CENPP: variants seen among roughly 807,000 people sequenced by gnomAD.
CENPP encodes the protein centromere protein P.
In CENPP, 24 loss-of-function variants were observed where a neutral mutation model predicts 35.6. The ratio of observed to expected loss-of-function variants is 0.67; its 90% CI spans 0.49 to 0.95. The LOEUF (loss-of-function observed/expected upper bound fraction) is 0.95, where lower values mean the gene tolerates loss of function less well. Ranked by LOEUF, CENPP falls within the 40% of genes least tolerant of loss-of-function variation. CENPP has a pLI of 0.00. For missense variants in CENPP, 332 were observed against 345.3 expected (o/e 0.96, Z 0.31); for synonymous variants, 120 against 125.5 (o/e 0.96, Z 0.29).
chr9:92,576,943 G>GT (rs1231717330), intron 5 of CENPP, among the ~76,000 whole-genome samples: 3 of 152,148 alleles, frequency 2.0e-5, no homozygotes, highest in African/African-American at 7.2e-5. Context: ...GTAAACAAAT[G>GT]TAAGTGTTAA....
intron 4 of CENPP, among the ~76,000 whole-genome samples, chr9:92,370,031 T>C (rs952486941): frequency 6.6e-6 from 1 of 152,200 alleles, no homozygotes; most frequent in African/African-American, 2.4e-5. Context: ...CCTGGGAGGA[T>C]GTTGAATTTT....
chr9:92,448,972 A>C (rs751445783), intron 5 of CENPP, among the ~76,000 whole-genome samples: 13 of 152,206 alleles, frequency 8.5e-5, no homozygotes, highest in Non-Finnish European at 1.9e-4. Flanking sequence ...GGTTAGTCAG[A>C]TCTTTTTTAC....
Position 92,486,721 on chromosome 9 carries a change from G to A in CENPP, c.564+106862G>A, listed in dbSNP as rs374262995. ...TAAATTGTCACTAAATGTTCATTCCGTTGAATTTATGAAAAATGAAGGACT... is the reference window on the plus strand; with the variant it reads ...TAAATTGTCACTAAATGTTCATTCCATTGAATTTATGAAAAATGAAGGACT... On this transcript the variant is annotated intron_variant, in intron 5 of 7. Transcript: ENST00000375587. Among the ~76,000 whole-genome samples the A allele has an allele frequency of 3.3e-4, 50 of 151,552 alleles. 1 individual carries two copies. In the South Asian group the frequency reaches 5.8e-3, roughly 18 times the overall value.
chr9:92,343,962 CAAAA>C (rs35920973), intron 3 of CENPP, among the ~76,000 whole-genome samples: 1 of 60,982 alleles, frequency 1.6e-5, no homozygotes, highest in African/African-American at 6.6e-5. Context: ...AACCCTGTCT[CAAAA>C]AAAAAAAAAA....
At chr9:92,534,852 C>A (rs1222028566) in intron 5 of CENPP, among the ~76,000 whole-genome samples, 2 of 152,162 alleles carry the variant, frequency 1.3e-5, no homozygotes, top group Non-Finnish European at 2.9e-5. Flanking sequence ...AATTTTCTTG[C>A]ATTAACAATT....
chr9:92,567,379 T>TATATATATATATATATATAG, intron 5 of CENPP, among the ~76,000 whole-genome samples: 1 of 90,442 alleles, frequency 1.1e-5, no homozygotes, highest in South Asian at 2.9e-4. Context: ...GATAGATATA[T>TATATATATATATATATATAG]ATATATATAT....
At chr9:92,484,145 T>A (rs942686601) in intron 5 of CENPP, among the ~76,000 whole-genome samples, 3 of 152,272 alleles carry the variant, frequency 2.0e-5, no homozygotes, top group African/African-American at 7.2e-5. Flanking sequence ...CTGCACAATG[T>A]TTTGTTTCTG....
intron 5 of CENPP, among the ~76,000 whole-genome samples, chr9:92,606,758 G>C (rs1244720896): frequency 6.6e-6 from 1 of 152,118 alleles, no homozygotes; most frequent in East Asian, 1.9e-4. Flanking sequence ...ACAAAAATTA[G>C]CCAGGTGTGG....
chr9:92,480,731 C>T (rs1051436664), intron 5 of CENPP, among the ~76,000 whole-genome samples: 1 of 152,126 alleles, frequency 6.6e-6, no homozygotes, highest in Non-Finnish European at 1.5e-5. Flanking sequence ...CAACTTTTCC[C>T]CTGGGTTTAA....
At chr9:92,346,750 G>A (rs1461316195) in intron 4 of CENPP, among the ~76,000 whole-genome samples, 1 of 152,188 alleles carries the variant, frequency 6.6e-6, no homozygotes, top group East Asian at 1.9e-4. Context: ...AGTTTGGACT[G>A]AAATGATGAT....
chr9:92,485,663 A>C (rs1023556702), intron 5 of CENPP, among the ~76,000 whole-genome samples: 4 of 152,178 alleles, frequency 2.6e-5, no homozygotes, highest in Non-Finnish European at 5.9e-5. Flanking sequence ...AGGACCTTGG[A>C]AACTGTCTCA....
At chr9:92,466,484 G>T in intron 5 of CENPP, 1 of 1,613,350 alleles carries the variant, frequency 6.2e-7, no homozygotes, top group South Asian at 1.1e-5. Context: ...AGTTGATTGT[G>T]GGACAGATAC....
intron 4 of CENPP, among the ~76,000 whole-genome samples, chr9:92,354,556 C>T (rs1053021413): frequency 2.0e-5 from 3 of 152,182 alleles, no homozygotes; most frequent in Non-Finnish European, 4.4e-5. Flanking sequence ...GAAGGGGTCT[C>T]ACTCTGTTGC....
rs1176239722 is a variant in CENPP, at chr9:92,551,925, G to GTGTGTA, written c.565-59388_565-59387insGTGTAT. On this transcript the variant is annotated intron_variant, in intron 5 of 7. Coordinates refer to ENST00000375587, the MANE Select transcript of CENPP (RefSeq NM_001012267.3). The stretch of plus-strand genomic sequence containing the variant: ...CATTTGTTATATATATGGTGTGTGT[G>GTGTGTA]TATATATATATATATATATATATAT... Among the ~76,000 whole-genome samples the GTGTGTA allele has an allele frequency of 2.6e-3, 221 of 84,508 alleles. 28 individuals carry two copies. Among genetic ancestry groups the GTGTGTA allele is most frequent in the African/African-American group, 0.017 (212 of 12,316 alleles). The allele number at this position is 84,508 out of a possible 152,430, so 55.4% of individuals were successfully genotyped here.
At chr9:92,468,383 A>G (rs922696901) in intron 5 of CENPP, among the ~76,000 whole-genome samples, 3 of 152,158 alleles carry the variant, frequency 2.0e-5, no homozygotes, top group Non-Finnish European at 4.4e-5. Context: ...CTTCCAATTC[A>G]TCATTAACAA....
At chr9:92,584,543 C>G (rs1404571873) in intron 5 of CENPP, among the ~76,000 whole-genome samples, 1 of 152,026 alleles carries the variant, frequency 6.6e-6, no homozygotes, top group Non-Finnish European at 1.5e-5. Flanking sequence ...GAGACGGGGT[C>G]TCACTATGAC....
chr9:92,544,013 G>C (rs1849373382), intron 5 of CENPP, among the ~76,000 whole-genome samples: 1 of 152,082 alleles, frequency 6.6e-6, no homozygotes, highest in Admixed American at 6.5e-5. Context: ...TTCCATTTTA[G>C]ATATTTTTTA....
chr9:92,470,880 A>G (rs1181335059), intron 5 of CENPP: 3 of 762,856 alleles, frequency 3.9e-6, no homozygotes, highest in East Asian at 5.6e-5. Flanking sequence ...CATGATTATC[A>G]TCAAGTTACA....
At chr9:92,341,234 G>A (rs1293605674) in intron 3 of CENPP, among the ~76,000 whole-genome samples, 1 of 152,116 alleles carries the variant, frequency 6.6e-6, no homozygotes, top group African/African-American at 2.4e-5. Context: ...AATGACAATG[G>A]TACCTGAAAC....
Sources: allele counts gnomAD v4.1 joint callset (sites outside exome capture counted in the v4.1 genomes callset), GRCh38; gene constraint gnomAD v4.1.1; transcripts MANE v1.5; gene names NCBI Gene and HGNC (gene_info 2026-07-23, HGNC 2026-07-21).